Variants in CYP2R1 observed in about 807,000 individuals in gnomAD.
CYP2R1 encodes the protein vitamin D 25-hydroxylase.
In CYP2R1, 40 loss-of-function variants were observed where a neutral mutation model predicts 45.7. The ratio of observed to expected loss-of-function variants is 0.87; its 90% CI spans 0.68 to 1.14. The LOEUF is 1.14. Ranked by LOEUF, CYP2R1 falls within the 50% of genes most tolerant of loss-of-function variation. CYP2R1 has a pLI of 0.00. For synonymous variants in CYP2R1, 234 were observed against 219.3 expected, an observed-to-expected ratio of 1.07 and a Z score of -0.59; for missense variants, 605 against 602.6, an observed-to-expected ratio of 1.00 and a Z score of -0.04.
At chr11:14,887,748 A>T (rs1848675093) in intron 1 of CYP2R1, 1 of 427,044 alleles carries the variant, frequency 2.3e-6, no homozygotes, top group South Asian at 1.0e-4. Flanking sequence ...GTTGAGGCCC[A>T]GGACTTTGCA....
Position 14,877,861 on chromosome 11 carries a change from C to A in CYP2R1, c.*261G>T. The A allele has an allele frequency of 2.3e-6, 1 of 443,462 alleles. No homozygotes were observed. The highest frequency in any genetic ancestry group is 4.0e-6 in the Non-Finnish European group (1 of 249,720). 27.5% of individuals were successfully genotyped at this position (443,462 alleles called of 1,614,324 possible). A position where few individuals can be genotyped will look rare whatever the true frequency, so the allele number is the denominator to read the frequency against. ...TGCTCAGCTTAGGGCGTCCATGACC[C>A]TTCTTAGCATTTTAAGCAACACCCA... On this transcript the variant is annotated 3_prime_UTR_variant, in exon 5 of 5. Coordinates refer to ENST00000334636, the MANE Select transcript of CYP2R1 (RefSeq NM_024514.5).
Position 14,879,705 on chromosome 11 carries a change from G to C in CYP2R1, c.1001-262C>G, listed in dbSNP as rs11023373. The stretch of plus-strand genomic sequence containing the variant: ...GATTCAGATTTTTTATTATCTGGGC[G>C]TTCTATTGAAATATATGCTATATAT... On this transcript the variant is annotated intron_variant, in intron 3 of 4. Transcript: ENST00000334636. 4.3e-3 allele frequency among the ~76,000 whole-genome samples: 658 copies of C among 152,124 alleles called. 32 individuals carry two copies. The East Asian group carries it at 0.11, about 25-fold the overall frequency.
chr11:14,885,653 G>T, intron 2 of CYP2R1, 123 bp downstream of exon 2: 1 of 1,064,682 alleles, frequency 9.4e-7, no homozygotes, highest in Non-Finnish European at 1.4e-6. Context: ...ACTAGGTTCT[G>T]TAAATAAATA....
chr11:14,884,662 C>T (rs1848538553), intron 2 of CYP2R1, among the ~76,000 whole-genome samples: 1 of 150,562 alleles, frequency 6.6e-6, no homozygotes. Context: ...GCACCTGTAC[C>T]CTAAAACTTA....
At chr11:14,888,445 C>A (rs1335285965) in intron 1 of CYP2R1, among the ~76,000 whole-genome samples, 1 of 152,090 alleles carries the variant, frequency 6.6e-6, no homozygotes, top group African/African-American at 2.4e-5. Context: ...TTGATGAAAA[C>A]CATTAAGTGA....
At chr11:14,891,190 G>C (rs773585586) in intron 1 of CYP2R1, 128 of 985,362 alleles carry the variant, frequency 1.3e-4, no homozygotes, top group Non-Finnish European at 1.5e-4. Flanking sequence ...GCCAGTCACA[G>C]GGCATTTCCG....
At position 14,884,562 on chromosome 11, in the gene CYP2R1, A is replaced by G. The variant is rs577833958; in HGVS notation, c.367+1214T>C. 2.7e-3 allele frequency among the ~76,000 whole-genome samples: 405 copies of G among 150,958 alleles called. 1 individual carries two copies. The highest frequency in any genetic ancestry group is 9.1e-3 in the African/African-American group (374 of 41,066). The stretch of plus-strand genomic sequence containing the variant: ...TGGGGGGAGGGGGAGGGATAGCATT[A>G]GGAGATATACCTAATGCTAAATGAC... On this transcript the variant is annotated intron_variant, in intron 2 of 4. Coordinates refer to ENST00000334636, the MANE Select transcript of CYP2R1 (RefSeq NM_024514.5).
chr11:14,890,651 A>T (rs1848810834), intron 1 of CYP2R1: 1 of 211,708 alleles, frequency 4.7e-6, no homozygotes, highest in South Asian at 1.8e-4. Context: ...GGTTCACGCC[A>T]TTCTCCTGCC....
At chr11:14,888,719 ATTTCATCTT>A (rs1482959152) in intron 1 of CYP2R1, among the ~76,000 whole-genome samples, 4 of 152,120 alleles carry the variant, frequency 2.6e-5, no homozygotes, top group African/African-American at 9.7e-5. Context: ...AGGAGCAGTG[ATTTCATCTT>A]TTTCATCTTT....
intron 1 of CYP2R1, chr11:14,886,261 C>CCAG: frequency 4.6e-6 from 1 of 218,424 alleles, no homozygotes; most frequent in East Asian, 1.0e-4. Context: ...TCAGTATTGC[C>CCAG]ATAGAAAATA....
Position 14,880,178 on chromosome 11 carries a change from G to A in CYP2R1, c.958C>T (p.Arg320Trp), listed in dbSNP as rs782520338. 3.7e-5 allele frequency: 60 copies of A among 1,612,724 alleles called. No homozygotes were observed. Among genetic ancestry groups the A allele is most frequent in the Admixed American group, 1.7e-4 (10 of 59,796 alleles). ...AGTETTTNVL[R>W]WAILFMALYP... ...AGGGCCATGAAAAGAATCGCCCACC[G>A]TAGCACATTGGTTGTAGTTTCAGTT... The change falls in exon 3 of 5, where the codon CGG (arginine) becomes TGG (tryptophan). Residue 320 changes from arginine to tryptophan, a missense_variant. Coordinates refer to ENST00000334636, the MANE Select transcript of CYP2R1 (RefSeq NM_024514.5).
At chr11:14,882,775 G>T (rs1848441334) in intron 2 of CYP2R1, among the ~76,000 whole-genome samples, 1 of 152,096 alleles carries the variant, frequency 6.6e-6, no homozygotes, top group South Asian at 2.1e-4. Context: ...ATTGTATAAC[G>T]AGAAAACCCC....
intron 2 of CYP2R1, 79 bp from the exon 3 acceptor site, chr11:14,880,847 T>C (rs1440902600): frequency 3.6e-6 from 5 of 1,382,950 alleles, no homozygotes; most frequent in Non-Finnish European, 3.9e-6. Flanking sequence ...ATTTTTTTAA[T>C]GGATGGTTAG....
intron 1 of CYP2R1, chr11:14,886,833 G>A (rs568885436): frequency 2.0e-5 from 3 of 152,272 alleles, no homozygotes; most frequent in Non-Finnish European, 2.9e-5. Context: ...GAAGAAAACA[G>A]GAGGCTTAGC....
intron 2 of CYP2R1, among the ~76,000 whole-genome samples, chr11:14,884,093 C>G (rs1555013449): frequency 6.6e-6 from 1 of 152,006 alleles, no homozygotes; most frequent in Non-Finnish European, 1.5e-5. Flanking sequence ...GGACTGTAAA[C>G]TAGTTCAACC....
rs373959523 is a variant in CYP2R1, at chr11:14,880,554, G to C, written c.582C>G (p.Ile194Met). ...TNAVSNITNLIIFGERFTYED... is the reference protein window; with the variant it reads ...TNAVSNITNLMIFGERFTYED... ...CATAAGTGAATCGTTCTCCAAAAAT[G>C]ATCAGATTGGTTATGTTTGAAACAG... Residue 194 changes from isoleucine (I) to methionine (M), a missense_variant, in exon 3 of 5, where the codon ATC (isoleucine) becomes ATG (methionine). Ile to Met is a conservative substitution (Grantham distance 10, BLOSUM62 1). Transcript: ENST00000334636. The C allele has an allele frequency of 1.0e-4, 163 of 1,613,290 alleles. No individual in the cohort carries two copies. Among genetic ancestry groups the C allele is most frequent in the Non-Finnish European group, 1.2e-4 (147 of 1,179,654 alleles).
chr11:14,889,184 G>A lies in CYP2R1; in HGVS notation c.225+2797C>T, dbSNP rs181879830. Among the ~76,000 whole-genome samples the A allele has an allele frequency of 2.7e-3, 378 of 137,622 alleles. 3 individuals carry two copies. Among genetic ancestry groups the A allele is most frequent in the African/African-American group, 9.5e-3 (365 of 38,334 alleles). The allele number at this position is 137,622 out of a possible 152,430, so 90.3% of individuals were successfully genotyped here. On this transcript the variant is annotated intron_variant, in intron 1 of 4. Transcript: ENST00000334636. ...CAGTTGTTTTTTTTTTTTTTTCTGTGAGCATACATCTCAAATTTAAAAGAC... is the reference window on the plus strand; with the variant it reads ...CAGTTGTTTTTTTTTTTTTTTCTGTAAGCATACATCTCAAATTTAAAAGAC...
intron 2 of CYP2R1, among the ~76,000 whole-genome samples, chr11:14,883,636 T>C (rs1302956621): frequency 6.6e-6 from 1 of 152,152 alleles, no homozygotes; most frequent in Non-Finnish European, 1.5e-5. Context: ...AAGGACTTCA[T>C]GTCTAAAACA....
rs782041022 is a variant in CYP2R1 at position 14,892,005 on chromosome 11, T to C, written c.201A>G (p.Arg67=). 4.3e-6 allele frequency: 7 copies of C among 1,613,306 alleles called. No individual in the cohort carries two copies. The South Asian group carries it at 7.7e-5, about 18-fold the overall frequency. The change falls in exon 1 of 5, where the codon AGA becomes AGG. Residue 67 remains arginine, a synonymous_variant. Transcript: ENST00000334636. ...ASSELPHVYM[R]KQSQVYGEIF... ...CCTCTCCGTACACCTGGCTCTGCTT[T>C]CTCATGTAGACATGGGGAAGCTCGG...
Sources: allele counts gnomAD v4.1 joint callset (sites outside exome capture counted in the v4.1 genomes callset), GRCh38; gene constraint gnomAD v4.1.1; transcripts MANE v1.5; gene names NCBI Gene and HGNC (gene_info 2026-07-23, HGNC 2026-07-21).